ROR2: variants seen among roughly 807,000 people sequenced by gnomAD.
ROR2 encodes tyrosine-protein kinase transmembrane receptor ROR2.
In ROR2, 33 loss-of-function variants were observed where a neutral mutation model predicts 74.9. The ratio of observed to expected loss-of-function variants is 0.44; its 90% CI spans 0.33 to 0.59. The LOEUF (loss-of-function observed/expected upper bound fraction) is 0.59, where lower values mean the gene tolerates loss of function less well. Among genes scored for constraint, ROR2 ranks in the 20% least tolerant of loss-of-function variants. ROR2 has a pLI of 0.02. For missense variants in ROR2, 1,216 were observed against 1,313.8 expected (o/e 0.93, Z 1.15); for synonymous variants, 586 against 558.7 (o/e 1.05, Z -0.69).
At chr9:91,801,167 C>T (rs1041931664) in intron 1 of ROR2, among the ~76,000 whole-genome samples, 3 of 152,084 alleles carry the variant, frequency 2.0e-5, no homozygotes, top group African/African-American at 7.2e-5. Context: ...CCATAATTAA[C>T]CACCCTAGCC....
At position 91,724,432 on chromosome 9, in the gene ROR2, A is replaced by T. The variant is rs199506849; in HGVS notation, c.2062T>A (p.Tyr688Asn). The T allele has an allele frequency of 1.2e-6, 2 of 1,614,194 alleles. No homozygotes were observed. The highest frequency in any genetic ancestry group is 1.7e-6 in the Non-Finnish European group (2 of 1,180,018). ...TACCCGCAGTAGGGCTGCAGGCCGT[A>T]GCTGAAGACCTCCCACAGGACCACA... ...YGVVLWEVFS[Y>N]GLQPYCGYSN... The change falls in exon 9 of 9, where the codon TAC becomes AAC. Residue 688 changes from tyrosine to asparagine, a missense_variant. Tyr to Asn is a moderately radical substitution (Grantham distance 143). Transcript: ENST00000375708.
At chr9:91,814,434 T>C (rs57640589) in intron 1 of ROR2, among the ~76,000 whole-genome samples, 17,026 of 151,966 alleles carry the variant, frequency 0.11, 2,545 homozygotes, top group African/African-American at 0.34. Context: ...ATCATTCAGG[T>C]GAGACAGGCT....
chr9:91,807,238 T>G (rs573231175), intron 1 of ROR2, among the ~76,000 whole-genome samples: 1 of 152,128 alleles, frequency 6.6e-6, no homozygotes, highest in Non-Finnish European at 1.5e-5. Context: ...GAAGCCTCCA[T>G]GAAAGGCCCA....
At chr9:91,782,085 C>T (rs1045352760) in intron 1 of ROR2, among the ~76,000 whole-genome samples, 1 of 152,228 alleles carries the variant, frequency 6.6e-6, no homozygotes. Flanking sequence ...GCCCTGGCAG[C>T]GGTGAGCCTG....
intron 1 of ROR2, among the ~76,000 whole-genome samples, chr9:91,921,978 C>T (rs1831278397): frequency 6.7e-6 from 1 of 148,984 alleles, no homozygotes; most frequent in East Asian, 2.0e-4. Context: ...CACAACTGGC[C>T]AAAAAGAGCA....
intron 1 of ROR2, among the ~76,000 whole-genome samples, chr9:91,828,553 A>C (rs924211597): frequency 2.0e-5 from 3 of 152,174 alleles, no homozygotes; most frequent in Non-Finnish European, 4.4e-5. Context: ...ATCTCCACTA[A>C]AAATACAAAA....
At position 91,724,183 on chromosome 9, in the gene ROR2, T is replaced by C. The variant is rs1836910897; in HGVS notation, c.2311A>G (p.Ser771Gly). 1 of 1,612,630 alleles carries C rather than the reference T, an allele frequency of 6.2e-7. No individual in the cohort carries two copies. The highest frequency in any genetic ancestry group is 8.5e-7 in the Non-Finnish European group (1 of 1,180,036). Reference protein sequence around the residue: ...TSGASNTTQTSSLSTSPVSNV... With the variant: ...TSGASNTTQTGSLSTSPVSNV... Reference sequence around the variant, plus strand: ...CTCACTGGGCTGGTGCTCAGGGAGCTGGTCTGCGTGGTGTTGCTGGCCCCC... The same window carrying C: ...CTCACTGGGCTGGTGCTCAGGGAGCCGGTCTGCGTGGTGTTGCTGGCCCCC... Residue 771 changes from serine to glycine, a missense_variant, in exon 9 of 9, where the codon AGC becomes GGC. Coordinates refer to ENST00000375708, the MANE Select transcript of ROR2 (RefSeq NM_004560.4).
chr9:91,930,720 A>G (rs1368437517), intron 1 of ROR2, among the ~76,000 whole-genome samples: 1 of 152,250 alleles, frequency 6.6e-6, no homozygotes, highest in Non-Finnish European at 1.5e-5. Flanking sequence ...AATGCTGGCT[A>G]CAGACAGCTG....
chr9:91,779,559 T>C (rs1458181725), intron 1 of ROR2, among the ~76,000 whole-genome samples: 2 of 151,844 alleles, frequency 1.3e-5, no homozygotes, highest in Non-Finnish European at 2.9e-5. Context: ...TTAGTAGAGG[T>C]AGTGTTTCAC....
intron 1 of ROR2, among the ~76,000 whole-genome samples, chr9:91,847,794 C>G (rs958653724): frequency 6.6e-6 from 1 of 152,064 alleles, no homozygotes; most frequent in Non-Finnish European, 1.5e-5. Context: ...CACCAAGAAT[C>G]ACACTCCCCA....
At chr9:91,765,766 G>T (rs768912350) in intron 2 of ROR2, among the ~76,000 whole-genome samples, 15 of 152,168 alleles carry the variant, frequency 9.9e-5, no homozygotes, top group Non-Finnish European at 2.1e-4. Flanking sequence ...GTTCTGTAGA[G>T]CCCATGGGTT....
intron 1 of ROR2, among the ~76,000 whole-genome samples, chr9:91,853,563 C>T (rs989928665): frequency 4.6e-5 from 7 of 152,144 alleles, no homozygotes; most frequent in Non-Finnish European, 7.4e-5. Context: ...GTGCAGGACC[C>T]GCTCTGAAGC....
At chr9:91,935,386 G>A (rs1387861577) in intron 1 of ROR2, among the ~76,000 whole-genome samples, 1 of 152,226 alleles carries the variant, frequency 6.6e-6, no homozygotes, top group Non-Finnish European at 1.5e-5. Context: ...GAACAAAAGT[G>A]AGAGAGCTCC....
Position 91,782,710 on chromosome 9 carries a change from G to A in ROR2, c.98-6892C>T, listed in dbSNP as rs73651522. Among the ~76,000 whole-genome samples the A allele has an allele frequency of 7.0e-4, 106 of 152,226 alleles. 3 individuals carry two copies. The East Asian group carries it at 0.017, about 25-fold the overall frequency. ...CAAGCTTGCTTTAAGTTAAGGCCAGGTCTGGAGCAGGCTCCACCTCCATCA... is the reference window on the plus strand; with the variant it reads ...CAAGCTTGCTTTAAGTTAAGGCCAGATCTGGAGCAGGCTCCACCTCCATCA... On this transcript the variant is annotated intron_variant, in intron 1 of 8. Coordinates refer to ENST00000375708, the MANE Select transcript of ROR2 (RefSeq NM_004560.4).
intron 1 of ROR2, among the ~76,000 whole-genome samples, chr9:91,941,323 G>A (rs1018637651): frequency 4.6e-5 from 7 of 152,246 alleles, no homozygotes; most frequent in African/African-American, 1.2e-4. Context: ...AAACCATTTC[G>A]CCTTTACAGA....
At chr9:91,865,872 AG>A (rs1228152656) in intron 1 of ROR2, among the ~76,000 whole-genome samples, 1 of 152,192 alleles carries the variant, frequency 6.6e-6, no homozygotes, top group Non-Finnish European at 1.5e-5. Flanking sequence ...AGAATACAAA[AG>A]GTATTTTCTT....
chr9:91,906,919 T>C lies in ROR2; in HGVS notation c.97+42948A>G, dbSNP rs145133198. On this transcript the variant is annotated intron_variant, in intron 1 of 8. Coordinates refer to ENST00000375708, the MANE Select transcript of ROR2 (RefSeq NM_004560.4). ...AAACAGTATACCATAAAAGTTGCCA[T>C]CTTCGCCACTTTTAAGTGGACGGTT... 4.7e-3 allele frequency among the ~76,000 whole-genome samples: 710 copies of C among 152,268 alleles called. 5 individuals carry two copies. The highest frequency in any genetic ancestry group is 0.016 in the African/African-American group (656 of 41,546).
At chr9:91,917,241 G>T (rs112309350) in intron 1 of ROR2, among the ~76,000 whole-genome samples, 2,605 of 152,190 alleles carry the variant, frequency 0.017, 37 homozygotes, top group Non-Finnish European at 0.028. Context: ...ACCCCCTTAC[G>T]CTGGGTCTGT....
At chr9:91,744,576 G>A (rs528931734) in intron 4 of ROR2, among the ~76,000 whole-genome samples, 120 of 152,184 alleles carry the variant, frequency 7.9e-4, no homozygotes, top group African/African-American at 2.4e-3. Flanking sequence ...ATTAGACGCT[G>A]TATATTACTC....
Sources: allele counts gnomAD v4.1 joint callset (sites outside exome capture counted in the v4.1 genomes callset), GRCh38; gene constraint gnomAD v4.1.1; transcripts MANE v1.5; gene names NCBI Gene and HGNC (gene_info 2026-07-23, HGNC 2026-07-21).